Variants in PLCL2 observed in about 807,000 individuals in gnomAD.
The protein encoded by PLCL2 is phospholipase C like 2.
PLCL2 carries 4 observed loss-of-function variants against 79.6 expected under a neutral mutation model. That is an observed-to-expected ratio of 0.05 (90% CI 0.02 to 0.11). The LOEUF (loss-of-function observed/expected upper bound fraction) is 0.11, where lower values mean the gene tolerates loss of function less well. Ranked by LOEUF, PLCL2 falls within the 10% of genes least tolerant of loss-of-function variation. The pLI is 1.00. For missense variants in PLCL2, 895 were observed against 1,291.0 expected (o/e 0.69, Z 4.70); for synonymous variants, 484 against 457.7 (o/e 1.06, Z -0.73).
rs184293423 is a variant in PLCL2, at chr3:17,072,572, G to A, written c.3204+4507G>A. 6.6e-3 allele frequency among the ~76,000 whole-genome samples: 1,003 copies of A among 151,896 alleles called. 15 individuals are homozygous for A. The highest frequency in any genetic ancestry group is 0.023 in the African/African-American group (958 of 41,406). ...TAATCCCAGCTACTTGGGAGGCTGAGGCAGGAGAATCGCTTGAACCCAGGA... is the reference window on the plus strand; with the variant it reads ...TAATCCCAGCTACTTGGGAGGCTGAAGCAGGAGAATCGCTTGAACCCAGGA... On this transcript the variant is annotated intron_variant, in intron 5 of 5. Coordinates refer to ENST00000615277, the MANE Select transcript of PLCL2 (RefSeq NM_001144382.2).
In PLCL2 at chr3:17,067,534, T is replaced by G. The variant is rs78893036; in HGVS notation, c.3095-422T>G. 9.5e-4 allele frequency among the ~76,000 whole-genome samples: 145 copies of G among 152,340 alleles called. 3 individuals carry two copies. In the East Asian group the frequency reaches 0.026, roughly 27 times the overall value. On this transcript the variant is annotated intron_variant, in intron 4 of 5. Transcript: ENST00000615277. ...GACCCTTTCTGTGACAGAAAATACA[T>G]TACTTTGCGTTCTTTCTATCCCTCG...
chr3:17,084,352 A>G lies in PLCL2; in HGVS notation c.3205-5381A>G, dbSNP rs1256572974. 2.0e-5 allele frequency among the ~76,000 whole-genome samples: 3 copies of G among 152,232 alleles called. No homozygotes were observed. In the East Asian group the frequency reaches 5.8e-4, roughly 29 times the overall value. ...ATAGGTTCACTGGTTTCTGCTAAAC[A>G]TTTAAGAAAGAAATGATACCAATTC... On this transcript the variant is annotated intron_variant, in intron 5 of 5. Transcript: ENST00000615277.
chr3:17,073,775 C>A (rs1481713775), intron 5 of PLCL2, among the ~76,000 whole-genome samples: 1 of 152,218 alleles, frequency 6.6e-6, no homozygotes, highest in Non-Finnish European at 1.5e-5. Flanking sequence ...TTTCTTTGCT[C>A]ATTCATAAGA....
At chr3:17,000,208 GTCCATTA>G (rs1043174165) in intron 1 of PLCL2, among the ~76,000 whole-genome samples, 2 of 152,074 alleles carry the variant, frequency 1.3e-5, no homozygotes, top group African/African-American at 2.4e-5. Flanking sequence ...CCATAAAACT[GTCCATTA>G]TATGTAGTAC....
intron 1 of PLCL2, among the ~76,000 whole-genome samples, chr3:16,958,002 T>C (rs2063722688): frequency 6.6e-6 from 1 of 152,222 alleles, no homozygotes; most frequent in Non-Finnish European, 1.5e-5. Context: ...TCTGTGTCTT[T>C]TAATTGGAGC....
intron 1 of PLCL2, among the ~76,000 whole-genome samples, chr3:16,898,866 G>A (rs9829589): frequency 6.6e-6 from 1 of 151,740 alleles, no homozygotes; most frequent in Non-Finnish European, 1.5e-5. Flanking sequence ...TAATTGTCTA[G>A]ATAACATGAG....
chr3:16,977,466 T>G (rs1462136754), intron 1 of PLCL2, among the ~76,000 whole-genome samples: 2 of 152,190 alleles, frequency 1.3e-5, no homozygotes, highest in Non-Finnish European at 1.5e-5. Flanking sequence ...TGCCAGTTCC[T>G]TCCTCTTTTA....
rs1303907095 is a variant in PLCL2 at position 17,009,213 on chromosome 3, G to A, written c.328-461G>A. Among the ~76,000 whole-genome samples, 1 of 151,382 alleles carries A rather than the reference G, an allele frequency of 6.6e-6. No individual in the cohort carries two copies. The highest frequency in any genetic ancestry group is 1.9e-4 in the East Asian group (1 of 5,148). On this transcript the variant is annotated intron_variant, in intron 1 of 5. Transcript: ENST00000615277. This position sits in a 1 kb window ranked among gnomAD's most constrained non-coding sequence, Gnocchi z 4.0. ...TTGGCCAGGCTGGTCTCAAACTTCT[G>A]ACCTTGGGTGATCTGCCCCTTCTTG...
At position 16,946,505 on chromosome 3, in the gene PLCL2, T is replaced by G. The variant is rs888625309; in HGVS notation, c.327+61139T>G. ...GTTTAAGTTGTCTGCCTACATTATT[T>G]CAGTTACATTGTGGATTAAATAGGC... is the stretch of plus-strand genomic sequence containing the variant. On this transcript the variant is annotated intron_variant, in intron 1 of 5. Coordinates refer to ENST00000615277, the MANE Select transcript of PLCL2 (RefSeq NM_001144382.2). 2.0e-5 allele frequency among the ~76,000 whole-genome samples: 3 copies of G among 152,242 alleles called. No individual in the cohort carries two copies. In the South Asian group the frequency reaches 6.2e-4, roughly 31 times the overall value.
intron 3 of PLCL2, among the ~76,000 whole-genome samples, chr3:17,027,634 C>G (rs1353316180): frequency 6.6e-6 from 1 of 152,202 alleles, no homozygotes; most frequent in Non-Finnish European, 1.5e-5. Flanking sequence ...TCTTTCTTTT[C>G]TCTTTTTCCT....
intron 1 of PLCL2, among the ~76,000 whole-genome samples, chr3:16,925,380 C>A (rs901301659): frequency 1.3e-5 from 2 of 152,118 alleles, no homozygotes; most frequent in Non-Finnish European, 2.9e-5. Context: ...TTGCTGCTAT[C>A]TAATGTTTTT....
At chr3:16,913,293 C>G (rs1009555095) in intron 1 of PLCL2, among the ~76,000 whole-genome samples, 2 of 151,734 alleles carry the variant, frequency 1.3e-5, no homozygotes, top group African/African-American at 2.4e-5. Context: ...GGTTAGCAAG[C>G]CCAGCTTTCC....
chr3:16,985,780 A>G (rs1361897580), intron 1 of PLCL2, among the ~76,000 whole-genome samples: 1 of 152,174 alleles, frequency 6.6e-6, no homozygotes, highest in Non-Finnish European at 1.5e-5. Context: ...CTTTAGTAAG[A>G]GCACATGGGA....
chr3:17,043,780 T>A (rs1201997934), intron 4 of PLCL2, among the ~76,000 whole-genome samples: 1 of 152,220 alleles, frequency 6.6e-6, no homozygotes, highest in Non-Finnish European at 1.5e-5. Flanking sequence ...TGTGACATTT[T>A]TTTTCTAATA....
At chr3:17,020,552 A>AT (rs34158614) in intron 3 of PLCL2, among the ~76,000 whole-genome samples, 23,301 of 150,526 alleles carry the variant, frequency 0.15, 2,256 homozygotes, top group Non-Finnish European at 0.2. Flanking sequence ...TTTTTCAGTC[A>AT]TTTTTTTTTG....
chr3:16,946,953 CTTTTTT>C (rs1056023349), intron 1 of PLCL2, among the ~76,000 whole-genome samples: 160 of 95,402 alleles, frequency 1.7e-3, no homozygotes, highest in African/African-American at 6.6e-3. Flanking sequence ...AAGTTTCATT[CTTTTTT>C]TTTTTTTTTT....
intron 4 of PLCL2, among the ~76,000 whole-genome samples, chr3:17,057,615 A>G (rs1434705028): frequency 6.6e-6 from 1 of 152,210 alleles, no homozygotes; most frequent in East Asian, 1.9e-4. Flanking sequence ...AGGCCTACAG[A>G]TAGAATTGGC....
At chr3:16,892,654 C>T (rs541235625) in intron 1 of PLCL2, among the ~76,000 whole-genome samples, 13 of 152,244 alleles carry the variant, frequency 8.5e-5, no homozygotes, top group African/African-American at 2.2e-4. Context: ...ATCTCTAATT[C>T]CTCAGCATGT....
intron 3 of PLCL2, among the ~76,000 whole-genome samples, chr3:17,024,958 C>T (rs570317034): frequency 3.3e-5 from 5 of 152,280 alleles, no homozygotes; most frequent in Middle Eastern, 6.8e-3. Flanking sequence ...GAAACCTGGG[C>T]GCTTCATGAG....
Sources: allele counts gnomAD v4.1 joint callset (sites outside exome capture counted in the v4.1 genomes callset), GRCh38; gene constraint gnomAD v4.1.1; non-coding constraint Gnocchi (gnomAD v3.1); transcripts MANE v1.5; gene names NCBI Gene and HGNC (gene_info 2026-07-23, HGNC 2026-07-21).